MAGI1: variants seen among roughly 807,000 people sequenced by gnomAD.
MAGI1 encodes the protein membrane associated guanylate kinase, WW and PDZ domain containing 1, also known as membrane-associated guanylate kinase, WW and PDZ domain-containing protein 1.
MAGI1 carries 58 observed loss-of-function variants against 139.9 expected under a neutral mutation model. That is an observed-to-expected ratio of 0.41 (90% CI 0.34 to 0.52). MAGI1 has a LOEUF of 0.52. MAGI1 is among the 20% of genes least tolerant of loss of function. MAGI1 has a pLI of 0.12. For missense variants in MAGI1, 1,874 were observed against 1,901.6 expected (o/e 0.99, Z 0.27); for synonymous variants, 812 against 737.9 (o/e 1.10, Z -1.63).
intron 4 of MAGI1, among the ~76,000 whole-genome samples, chr3:65,475,995 T>C (rs1181048191): frequency 1.3e-5 from 2 of 151,888 alleles, no homozygotes; most frequent in Non-Finnish European, 2.9e-5. Flanking sequence ...TTTGATATGA[T>C]GCTCATGCCT....
intron 2 of MAGI1, among the ~76,000 whole-genome samples, chr3:65,579,219 G>C (rs1231634097): frequency 1.3e-5 from 2 of 152,090 alleles, no homozygotes; most frequent in African/African-American, 4.8e-5. Context: ...AGGTAACAGA[G>C]GCTTAGCAAG....
At chr3:65,451,830 T>C (rs753286128) in intron 6 of MAGI1, among the ~76,000 whole-genome samples, 7 of 152,118 alleles carry the variant, frequency 4.6e-5, no homozygotes, top group African/African-American at 7.2e-5. Context: ...TTATTATTTG[T>C]AGAGTCAAGG....
chr3:65,587,577 G>C (rs192104071), intron 2 of MAGI1, among the ~76,000 whole-genome samples: 254 of 144,518 alleles, frequency 1.8e-3, no homozygotes, highest in African/African-American at 5.5e-3. Context: ...CCTACCTCCT[G>C]GGCTTCCACC....
chr3:65,636,771 A>C (rs2107200320), intron 1 of MAGI1, among the ~76,000 whole-genome samples: 1 of 152,100 alleles, frequency 6.6e-6, no homozygotes, highest in South Asian at 2.1e-4. Context: ...CTTGTCATTT[A>C]ACATATCCAG....
At chr3:65,613,952 A>G (rs1199151485) in intron 2 of MAGI1, among the ~76,000 whole-genome samples, 2 of 152,200 alleles carry the variant, frequency 1.3e-5, no homozygotes, top group African/African-American at 4.8e-5. Context: ...AGGAAGAAGG[A>G]TCAGTCTTAA....
At chr3:65,811,004 A>G (rs966369805) in intron 1 of MAGI1, among the ~76,000 whole-genome samples, 1 of 152,244 alleles carries the variant, frequency 6.6e-6, no homozygotes, top group African/African-American at 2.4e-5. Context: ...AAAGATTGAT[A>G]AACAATTGAA....
Position 65,688,002 on chromosome 3 carries a change from T to A in MAGI1, c.314-65914A>T, listed in dbSNP as rs1465809609. ...ACTACTGAAGGACTTGAGGGTTTCG[T>A]TTTCCTGGCTTTGAGCCCCTCACAC... On this transcript the variant is annotated intron_variant, in intron 1 of 22. Transcript: ENST00000402939. 3.6e-6 allele frequency: 3 copies of A among 826,238 alleles called. No individual in the cohort carries two copies. The African/African-American group carries it at 5.1e-5, about 14-fold the overall frequency. The allele number at this position is 826,238 out of a possible 1,614,324, so 51.2% of individuals were successfully genotyped here.
intron 1 of MAGI1, among the ~76,000 whole-genome samples, chr3:65,775,280 AACAAAAAAAT>A (rs1199678348): frequency 6.6e-6 from 1 of 150,416 alleles, no homozygotes; most frequent in African/African-American, 2.4e-5. Flanking sequence ...ACCCCATCTC[AACAAAAAAAT>A]ACAAAAAAAT....
intron 2 of MAGI1, among the ~76,000 whole-genome samples, chr3:65,518,517 T>C (rs191479873): frequency 6.6e-6 from 1 of 152,314 alleles, no homozygotes; most frequent in Non-Finnish European, 1.5e-5. Flanking sequence ...AGGTAGGAGA[T>C]GGGAATTAGT....
intron 2 of MAGI1, among the ~76,000 whole-genome samples, chr3:65,507,816 T>G (rs1404433147): frequency 6.6e-6 from 1 of 152,254 alleles, no homozygotes; most frequent in Non-Finnish European, 1.5e-5. Context: ...ATGGACTATA[T>G]AGTTTCTAGA....
At chr3:65,516,971 G>A (rs955625501) in intron 2 of MAGI1, among the ~76,000 whole-genome samples, 37 of 151,292 alleles carry the variant, frequency 2.4e-4, no homozygotes, top group Admixed American at 4.6e-4. Flanking sequence ...CTCGTGATCC[G>A]CCCGCCTCGG....
At chr3:65,481,599 A>G (rs1338123239) in intron 3 of MAGI1, among the ~76,000 whole-genome samples, 2 of 152,232 alleles carry the variant, frequency 1.3e-5, no homozygotes, top group African/African-American at 4.8e-5. Context: ...ATAAATAAGA[A>G]ACTTCTACTG....
At chr3:65,620,722 C>CA (rs1433752520) in intron 2 of MAGI1, among the ~76,000 whole-genome samples, 1 of 152,212 alleles carries the variant, frequency 6.6e-6, no homozygotes, top group African/African-American at 2.4e-5. Context: ...ATCACAACCT[C>CA]CTCTCCGTCA....
intron 1 of MAGI1, among the ~76,000 whole-genome samples, chr3:65,735,500 T>C (rs910702199): frequency 6.6e-6 from 1 of 152,082 alleles, no homozygotes; most frequent in African/African-American, 2.4e-5. Context: ...AGTTGATCTA[T>C]CATGTAATAT....
intron 1 of MAGI1, among the ~76,000 whole-genome samples, chr3:65,893,332 T>C (rs1478392331): frequency 6.6e-6 from 1 of 151,958 alleles, no homozygotes; most frequent in East Asian, 1.9e-4. Context: ...TATTCATTTT[T>C]CTTTTTTTTT....
At position 65,478,661 on chromosome 3, in the gene MAGI1, T is replaced by C. The variant is rs138385635; in HGVS notation, c.688A>G (p.Asn230Asp). 39 of 1,614,076 alleles carry C rather than the reference T, an allele frequency of 2.4e-5. No homozygotes were observed. In the African/African-American group the frequency reaches 5.1e-4, roughly 21 times the overall value. The change falls in exon 4 of 23, where the codon AAT (asparagine) becomes GAT (aspartate). Residue 230 changes from asparagine to aspartate, a missense_variant. Asn to Asp is a conservative substitution (Grantham distance 23). Transcript: ENST00000402939. Reference protein sequence around the residue: ...KRTKSYNDMQNAGIVHAENEE... With the variant: ...KRTKSYNDMQDAGIVHAENEE... ...TTCTCCGCGTGGACTATGCCAGCAT[T>C]TTGCATATCATTGTAGGACTTGGTT...
intron 1 of MAGI1, among the ~76,000 whole-genome samples, chr3:65,731,747 G>A (rs375712537): frequency 2.6e-5 from 4 of 151,712 alleles, no homozygotes; most frequent in Non-Finnish European, 5.9e-5. Flanking sequence ...AATAAATGGC[G>A]CTCTGAAAAT....
chr3:65,885,752 C>G (rs978618422), intron 1 of MAGI1, among the ~76,000 whole-genome samples: 8 of 152,212 alleles, frequency 5.3e-5, no homozygotes, highest in South Asian at 2.1e-4. Flanking sequence ...GGCCTCCCCA[C>G]CCATGTGGAA....
intron 2 of MAGI1, among the ~76,000 whole-genome samples, chr3:65,510,950 G>T (rs2077556091): frequency 6.7e-6 from 1 of 148,364 alleles, no homozygotes; most frequent in Non-Finnish European, 1.5e-5. Context: ...ACTAACAGCG[G>T]ATCTCTTGGC....
Sources: allele counts gnomAD v4.1 joint callset (sites outside exome capture counted in the v4.1 genomes callset), GRCh38; gene constraint gnomAD v4.1.1; transcripts MANE v1.5; gene names NCBI Gene and HGNC (gene_info 2026-07-23, HGNC 2026-07-21).